PUDP: variants seen among roughly 807,000 people sequenced by gnomAD.
PUDP encodes the protein pseudouridine 5'-phosphatase, also known as pseudouridine-5'-phosphatase.
In PUDP, 8 loss-of-function variants were observed where a neutral mutation model predicts 9.4. That is an observed-to-expected ratio of 0.85 (90% confidence interval 0.50 to 1.53). PUDP has a LOEUF of 1.53. Among genes scored for constraint, PUDP ranks in the 40% most tolerant of loss-of-function variants. The probability of loss-of-function intolerance (pLI) is 0.00; values close to 1 mark genes in which losing one functional copy is unlikely to be tolerated. For missense variants in PUDP, 188 were observed against 189.7 expected (o/e 0.99, Z 0.05); for synonymous variants, 99 against 80.7 (o/e 1.23, Z -1.22).
At chrX:7,011,510 C>T (rs2146814651) in intron 1 of PUDP, among the ~76,000 whole-genome samples, 1 of 110,893 alleles carries the variant, frequency 9.0e-6, no homozygotes, top group Admixed American at 9.6e-5. Context: ...TCCCTCCTTC[C>T]TTCCCTCATG....
chrX:7,124,712 C>T (rs769382955), intron 1 of PUDP, among the ~76,000 whole-genome samples: 63 of 110,448 alleles, frequency 5.7e-4, no homozygotes, highest in African/African-American at 1.6e-3. Flanking sequence ...TTTGGGAGGC[C>T]GAGGCGGGTG....
intron 3 of PUDP, among the ~76,000 whole-genome samples, chrX:6,907,883 A>AT: frequency 8.9e-6 from 1 of 112,020 alleles, no homozygotes; most frequent in Non-Finnish European, 1.9e-5. Context: ...AAAGGATGGA[A>AT]TGTTTCATGA....
chrX:6,981,080 T>C (rs1284174500), intron 1 of PUDP, among the ~76,000 whole-genome samples: 1 of 112,161 alleles, frequency 8.9e-6, no homozygotes, highest in Non-Finnish European at 1.9e-5. Flanking sequence ...GCTCCATAAA[T>C]TGATGTTGAA....
At chrX:6,932,636 C>T (rs1253635659) in intron 3 of PUDP, among the ~76,000 whole-genome samples, 2 of 109,503 alleles carry the variant, frequency 1.8e-5, no homozygotes, top group African/African-American at 3.3e-5. Context: ...AGTGGGTGCG[C>T]GCACCGTGCG....
chrX:7,056,399 G>A (rs766500979), intron 3 of PUDP, among the ~76,000 whole-genome samples: 1 of 112,081 alleles, frequency 8.9e-6, no homozygotes, highest in South Asian at 3.7e-4. Context: ...CAGGCCTGCG[G>A]CCTACCCTGA....
At chrX:6,878,259 T>C (rs1927294475) in intron 3 of PUDP, among the ~76,000 whole-genome samples, 1 of 108,191 alleles carries the variant, frequency 9.2e-6, no homozygotes, top group Non-Finnish European at 1.9e-5. Flanking sequence ...AAATATTAGG[T>C]TTCTCTCTGA....
chrX:7,066,036 C>T (rs756178678), intron 3 of PUDP, among the ~76,000 whole-genome samples: 1 of 112,314 alleles, frequency 8.9e-6, no homozygotes, highest in South Asian at 3.7e-4. Context: ...TGAAAATTGA[C>T]ACAATTGTAA....
intron 3 of PUDP, among the ~76,000 whole-genome samples, chrX:6,749,993 C>T (rs1181916654): frequency 1.8e-5 from 2 of 111,684 alleles, no homozygotes; most frequent in African/African-American, 3.3e-5. Context: ...ACCAAAGAGT[C>T]GAGTATAAAA....
intron 3 of PUDP, among the ~76,000 whole-genome samples, chrX:6,911,790 T>C (rs1927853711): frequency 8.9e-6 from 1 of 112,202 alleles, no homozygotes; most frequent in Non-Finnish European, 1.9e-5. Context: ...GTGGTCAAAG[T>C]GGCCTAATAT....
At chrX:6,850,796 C>T (rs1926815980) in intron 3 of PUDP, among the ~76,000 whole-genome samples, 1 of 111,961 alleles carries the variant, frequency 8.9e-6, no homozygotes, top group Admixed American at 9.5e-5. Flanking sequence ...ATAGCTGACA[C>T]CTGGTAGAGT....
chrX:7,027,770 T>G (rs1188230640), intron 1 of PUDP, among the ~76,000 whole-genome samples: 3 of 95,311 alleles, frequency 3.1e-5, no homozygotes, highest in South Asian at 9.8e-4. Context: ...ATATATTATT[T>G]TCTATATATA....
intron 3 of PUDP, among the ~76,000 whole-genome samples, chrX:6,887,986 C>T (rs1303314336): frequency 5.4e-5 from 6 of 111,483 alleles, no homozygotes; most frequent in South Asian, 3.8e-4. Flanking sequence ...ACCACAGGAA[C>T]GAAGTTAGGG....
At chrX:6,882,366 G>A (rs1031498844) in intron 3 of PUDP, among the ~76,000 whole-genome samples, 3 of 111,542 alleles carry the variant, frequency 2.7e-5, no homozygotes, top group Admixed American at 9.6e-5. Flanking sequence ...ATGGGGATAC[G>A]TGACCACAAA....
chrX:7,052,034 C>CT (rs368667400), intron 3 of PUDP, among the ~76,000 whole-genome samples: 2,519 of 100,950 alleles, frequency 0.025, 52 homozygotes, highest in African/African-American at 0.054. Flanking sequence ...TCTGCATTTT[C>CT]TTTTTTTTTT....
rs1262311113 is a variant in PUDP at position 6,754,593 on chromosome X, AATT to A, written c.*248-48130_*248-48128del. ...TCACAGACTATTATAAAATATTAGA[AATT>A]ATGATATTGAAATTGTATAATATTA... On this transcript the variant is annotated intron_variant and NMD_transcript_variant, in intron 3 of 3. Transcript: ENST00000655425. Among the ~76,000 whole-genome samples the A allele has an allele frequency of 8.3e-5, 9 of 108,573 alleles. No homozygotes were observed. In the East Asian group the frequency reaches 8.4e-4, roughly 10 times the overall value. 94.3% of individuals were successfully genotyped at this position (108,573 alleles called of 115,157 possible). A position where few individuals can be genotyped will look rare whatever the true frequency, so the allele number is the denominator to read the frequency against.
intron 3 of PUDP, among the ~76,000 whole-genome samples, chrX:6,849,321 T>C (rs139616808): frequency 0.024 from 2,719 of 112,294 alleles, 90 homozygotes; most frequent in African/African-American, 0.084. Context: ...TTGAATGATC[T>C]TAACATGTGA....
intron 1 of PUDP, among the ~76,000 whole-genome samples, chrX:7,026,523 C>T (rs1042475457): frequency 1.8e-5 from 2 of 112,163 alleles, no homozygotes; most frequent in African/African-American, 6.5e-5. Flanking sequence ...CCAGCATCCA[C>T]CCAGCGTGCC....
intron 1 of PUDP, among the ~76,000 whole-genome samples, chrX:7,022,223 G>T (rs923185890): frequency 9.0e-6 from 1 of 111,715 alleles, no homozygotes; most frequent in African/African-American, 3.3e-5. Flanking sequence ...GGGCAAAGGT[G>T]ATGCAGCACA....
At chrX:6,781,147 GCA>G (rs1340287949) in intron 3 of PUDP, among the ~76,000 whole-genome samples, 1 of 110,364 alleles carries the variant, frequency 9.1e-6, no homozygotes, top group Non-Finnish European at 1.9e-5. Context: ...ACACACACAT[GCA>G]CACACACACA....
Sources: gnomAD v4.1 joint callset for allele counts (sites outside exome capture counted in the v4.1 genomes callset) on GRCh38, gnomAD v4.1.1 for gene constraint, MANE v1.5 for transcripts, NCBI Gene and HGNC (gene_info 2026-07-23, HGNC 2026-07-21) for gene names.